DIAPH2: variants seen among roughly 807,000 people sequenced by gnomAD.
DIAPH2 encodes diaphanous related formin 2, also known as protein diaphanous homolog 2.
Under a neutral mutation model 92.7 loss-of-function variants are expected in DIAPH2, and 35 were observed. That is an observed-to-expected ratio of 0.38 (90% CI 0.29 to 0.50). The LOEUF (loss-of-function observed/expected upper bound fraction) is 0.50. Ranked by LOEUF, DIAPH2 falls within the 20% of genes least tolerant of loss-of-function variation. DIAPH2 has a pLI of 0.94. For synonymous variants in DIAPH2, 301 were observed against 280.4 expected, an observed-to-expected ratio of 1.07 and a Z score of -0.73; for missense variants, 701 against 819.5, an observed-to-expected ratio of 0.86 and a Z score of 1.77.
intron 22 of DIAPH2, among the ~76,000 whole-genome samples, chrX:97,174,050 TA>T (rs1246797212): frequency 2.0e-5 from 2 of 100,074 alleles, no homozygotes; most frequent in Non-Finnish European, 2.0e-5. Context: ...TATTATATAA[TA>T]AAAATATATA....
At chrX:96,842,674 A>G (rs2064944467) in intron 4 of DIAPH2, among the ~76,000 whole-genome samples, 1 of 112,064 alleles carries the variant, frequency 8.9e-6, no homozygotes, top group African/African-American at 3.2e-5. Context: ...GAAACTAAGT[A>G]AAGTGGTCTA....
chrX:97,320,714 CAAAAAAAAAAAAAAA>C (rs146316009), intron 23 of DIAPH2, among the ~76,000 whole-genome samples: 1 of 40,162 alleles, frequency 2.5e-5, no homozygotes, highest in Non-Finnish European at 4.8e-5. Context: ...GACTCCGTCT[CAAAAAAAAAAAAAAA>C]AAAAAAAAAT....
At chrX:97,588,385 C>G (rs147985483) in intron 26 of DIAPH2, among the ~76,000 whole-genome samples, 1,683 of 111,379 alleles carry the variant, frequency 0.015, 17 homozygotes, top group Non-Finnish European at 0.024. Flanking sequence ...CCCACACTGC[C>G]TGCACTAGGA....
intron 19 of DIAPH2, among the ~76,000 whole-genome samples, chrX:97,094,316 C>T (rs529314): frequency 0.1 from 11,176 of 111,161 alleles, 1,369 homozygotes; most frequent in African/African-American, 0.34. Context: ...TGTTAAATGT[C>T]AGAGTTTCAA....
chrX:96,779,704 A>G (rs771087602), intron 4 of DIAPH2, among the ~76,000 whole-genome samples: 6 of 112,136 alleles, frequency 5.4e-5, no homozygotes, highest in Non-Finnish European at 9.4e-5. Flanking sequence ...GTTATCAAGC[A>G]TGAATCTATA....
chrX:97,177,720 A>C (rs1199909641), intron 22 of DIAPH2, among the ~76,000 whole-genome samples: 4 of 108,822 alleles, frequency 3.7e-5, no homozygotes, highest in Admixed American at 2.0e-4. Context: ...AAAAAAAAAA[A>C]AAAAAACAAA....
At chrX:96,753,941 T>G (rs1371531851) in intron 3 of DIAPH2, among the ~76,000 whole-genome samples, 1 of 111,900 alleles carries the variant, frequency 8.9e-6, no homozygotes, top group Non-Finnish European at 1.9e-5. Flanking sequence ...CTCACATAGT[T>G]CACTTCTAAA....
chrX:97,524,878 C>T (rs1188117575), intron 26 of DIAPH2, among the ~76,000 whole-genome samples: 1 of 112,227 alleles, frequency 8.9e-6, no homozygotes. Context: ...TTTCTAACTC[C>T]GTAGCTATAG....
In DIAPH2 at chrX:96,913,819, T is replaced by A. The variant is rs189084229; in HGVS notation, c.732+1267T>A. 1.1e-3 allele frequency among the ~76,000 whole-genome samples: 127 copies of A among 110,821 alleles called. 1 individual carries two copies. The highest frequency in any genetic ancestry group is 3.8e-3 in the African/African-American group (117 of 30,714). On this transcript the variant is annotated intron_variant, in intron 7 of 26. Transcript: ENST00000324765. ...GACCCTGTGAATTTTAGACAATAATTTTTCTTCTAAAAATAGACTTTACTC... is the reference window on the plus strand; with the variant it reads ...GACCCTGTGAATTTTAGACAATAATATTTCTTCTAAAAATAGACTTTACTC...
intron 3 of DIAPH2, among the ~76,000 whole-genome samples, chrX:96,751,459 T>C (rs1299352233): frequency 9.8e-6 from 1 of 101,774 alleles, no homozygotes; most frequent in Non-Finnish European, 2.0e-5. Flanking sequence ...GCCTGTAGTC[T>C]CAGCTACTCG....
intron 26 of DIAPH2, among the ~76,000 whole-genome samples, chrX:97,443,771 A>G (rs2070282954): frequency 8.9e-6 from 1 of 112,122 alleles, no homozygotes; most frequent in African/African-American, 3.2e-5. Flanking sequence ...TTATTCTTAC[A>G]TTCATTGTGT....
In DIAPH2 at chrX:96,699,079, ACAACT is replaced by A. The variant is rs762872653; in HGVS notation, c.132+13890_132+13894del. 2.4e-4 allele frequency among the ~76,000 whole-genome samples: 27 copies of A among 111,465 alleles called. No homozygotes were observed. In the South Asian group the frequency reaches 0.01, roughly 42 times the overall value. On this transcript the variant is annotated intron_variant, in intron 1 of 26. Coordinates refer to ENST00000324765, the MANE Select transcript of DIAPH2 (RefSeq NM_006729.5). ...ATATTTCCATATTGGTTCTGTTCAT[ACAACT>A]GTGTACAACACAGCATGAAACTAGA...
At chrX:97,030,234 T>C (rs1473514024) in intron 17 of DIAPH2, among the ~76,000 whole-genome samples, 1 of 111,037 alleles carries the variant, frequency 9.0e-6, no homozygotes, top group Non-Finnish European at 1.9e-5. Context: ...TAGAGGAGAC[T>C]AAGGTAGTAG....
chrX:97,600,938 T>G lies in DIAPH2; in HGVS notation c.*1621T>G, dbSNP rs1426400703. On this transcript the variant is annotated 3_prime_UTR_variant, in exon 27 of 27. Transcript: ENST00000324765. The stretch of plus-strand genomic sequence containing the variant: ...GTGCATCCTTACTTAGGTATTATAC[T>G]TCTTTAAAAAGCTCTGAAGCTGCTA... 1.8e-5 allele frequency: 2 copies of G among 111,210 alleles called. No homozygotes were observed. The highest frequency in any genetic ancestry group is 3.8e-5 in the Non-Finnish European group (2 of 53,127). 9.2% of individuals were successfully genotyped at this position (111,210 alleles called of 1,213,427 possible).
chrX:97,339,857 A>T (rs947745937), intron 23 of DIAPH2, among the ~76,000 whole-genome samples: 2 of 112,027 alleles, frequency 1.8e-5, no homozygotes, highest in Admixed American at 1.9e-4. Context: ...TTTTCCTCTC[A>T]TACTTGCCAA....
chrX:97,283,464 A>AG (rs2068514949), intron 23 of DIAPH2, among the ~76,000 whole-genome samples: 1 of 111,902 alleles, frequency 8.9e-6, no homozygotes, highest in African/African-American at 3.2e-5. Context: ...AGAGAGAGAG[A>AG]GAGAGGATGC....
intron 25 of DIAPH2, among the ~76,000 whole-genome samples, chrX:97,423,803 A>G (rs73552484): frequency 0.018 from 1,994 of 112,073 alleles, 44 homozygotes; most frequent in African/African-American, 0.061. Flanking sequence ...TAGGTATTGT[A>G]TGTTGTAAAA....
chrX:97,196,743 G>C (rs757026937), intron 22 of DIAPH2, among the ~76,000 whole-genome samples: 1 of 109,177 alleles, frequency 9.2e-6, no homozygotes, highest in Non-Finnish European at 1.9e-5. Flanking sequence ...TCTGATTTTC[G>C]TTTGGAAAAT....
At chrX:97,413,355 A>G (rs763114059) in intron 25 of DIAPH2, among the ~76,000 whole-genome samples, 2 of 111,334 alleles carry the variant, frequency 1.8e-5, no homozygotes, top group South Asian at 3.9e-4. Context: ...GAATTCTACA[A>G]CCCTTCATGC....
Sources: gnomAD v4.1 joint callset for allele counts (sites outside exome capture counted in the v4.1 genomes callset) on GRCh38, gnomAD v4.1.1 for gene constraint, MANE v1.5 for transcripts, NCBI Gene and HGNC (gene_info 2026-07-23, HGNC 2026-07-21) for gene names.